Variants in CDK14 observed in about 807,000 individuals in gnomAD.
CDK14 encodes cyclin-dependent kinase 14.
Under a neutral mutation model 60.7 loss-of-function variants are expected in CDK14, and 34 were observed. The ratio of observed to expected loss-of-function variants is 0.56; its 90% CI spans 0.43 to 0.75. The LOEUF is 0.75. Among genes scored for constraint, CDK14 ranks in the 30% least tolerant of loss-of-function variants. The probability of loss-of-function intolerance (pLI) is 0.00; values close to 1 mark genes in which losing one functional copy is unlikely to be tolerated. For synonymous variants in CDK14, 197 were observed against 203.7 expected, an observed-to-expected ratio of 0.97 and a Z score of 0.28; for missense variants, 482 against 564.1, an observed-to-expected ratio of 0.85 and a Z score of 1.47.
intron 14 of CDK14, 46 bp downstream of exon 14, chr7:91,118,254 G>C: frequency 1.1e-6 from 1 of 870,614 alleles, no homozygotes. Context: ...AATGGATATT[G>C]AACGGATTCT....
At chr7:90,927,588 T>TATATAA (rs57424517) in intron 8 of CDK14, among the ~76,000 whole-genome samples, 6 of 152,168 alleles carry the variant, frequency 3.9e-5, no homozygotes, top group African/African-American at 1.4e-4. Context: ...CTAAAGTACA[T>TATATAA]ATATAAATAT....
At chr7:91,025,095 TAAG>T (rs1211074044) in intron 10 of CDK14, among the ~76,000 whole-genome samples, 1 of 152,198 alleles carries the variant, frequency 6.6e-6, no homozygotes, top group Non-Finnish European at 1.5e-5. Flanking sequence ...GAGGCCTTGT[TAAG>T]AAGTGGGAGG....
At position 91,210,502 on chromosome 7, in the gene CDK14, C is replaced by T. The variant is rs1662556731; in HGVS notation, c.*3366C>T. On this transcript the variant is annotated 3_prime_UTR_variant, in exon 15 of 15. Coordinates refer to ENST00000380050, the MANE Select transcript of CDK14 (RefSeq NM_001287135.2). ...ATATTTGTTACCAGTTGTAATTTGTCTGTATTATGAAAGATGTAATGGTTT... is the reference window on the plus strand; with the variant it reads ...ATATTTGTTACCAGTTGTAATTTGTTTGTATTATGAAAGATGTAATGGTTT... The T allele has an allele frequency of 6.6e-6, 1 of 152,090 alleles. No individual in the cohort carries two copies. The highest frequency in any genetic ancestry group is 1.5e-5 in the Non-Finnish European group (1 of 68,014). The allele number at this position is 152,090 out of a possible 1,614,324, so 9.4% of individuals were successfully genotyped here. A position where few individuals can be genotyped will look rare whatever the true frequency, so the allele number is the denominator to read the frequency against.
chr7:90,996,340 T>C (rs1283705507), intron 10 of CDK14, among the ~76,000 whole-genome samples: 8 of 152,224 alleles, frequency 5.3e-5, no homozygotes, highest in Non-Finnish European at 2.9e-5. Flanking sequence ...GTTAATCTTT[T>C]AGTGAGGCAT....
At chr7:90,652,921 ATG>A (rs1438099251) in intron 2 of CDK14, among the ~76,000 whole-genome samples, 6 of 152,084 alleles carry the variant, frequency 3.9e-5, no homozygotes, top group Non-Finnish European at 7.4e-5. Context: ...GCTTGTTTGC[ATG>A]TGTGTTTTCA....
chr7:90,902,586 C>T lies in CDK14; in HGVS notation c.702+3233C>T, dbSNP rs967317936. ...GAATGAAACAAGACTTATTTTTCAC[C>T]GTATATAAAAATCAACTTCAGATGG... is the stretch of plus-strand genomic sequence containing the variant. On this transcript the variant is annotated intron_variant, in intron 7 of 14. Coordinates refer to ENST00000380050, the MANE Select transcript of CDK14 (RefSeq NM_001287135.2). Among the ~76,000 whole-genome samples, 15 of 152,060 alleles carry T rather than the reference C, an allele frequency of 9.9e-5. 1 individual carries two copies. Among genetic ancestry groups the T allele is most frequent in the Non-Finnish European group, 1.5e-4 (10 of 67,952 alleles).
chr7:90,650,796 T>TG (rs1474605858), intron 2 of CDK14, among the ~76,000 whole-genome samples: 1 of 152,176 alleles, frequency 6.6e-6, no homozygotes, highest in Non-Finnish European at 1.5e-5. Context: ...CTGAGGCCTC[T>TG]GTTGTGTTCC....
chr7:90,940,868 T>C (rs1003829091), intron 8 of CDK14, among the ~76,000 whole-genome samples: 2 of 152,164 alleles, frequency 1.3e-5, no homozygotes, highest in African/African-American at 4.8e-5. Context: ...TCTATGTATA[T>C]ATATGATAAA....
chr7:90,786,015 C>T (rs1805568195), intron 4 of CDK14, among the ~76,000 whole-genome samples: 1 of 152,132 alleles, frequency 6.6e-6, no homozygotes, highest in Non-Finnish European at 1.5e-5. Flanking sequence ...AGATATTCTC[C>T]CCACTCCTGC....
At chr7:90,680,673 T>C (rs10276479) in intron 2 of CDK14, among the ~76,000 whole-genome samples, 2 of 152,098 alleles carry the variant, frequency 1.3e-5, no homozygotes, top group Non-Finnish European at 2.9e-5. Context: ...ATATCAGATA[T>C]GCATAATATG....
In CDK14 at chr7:90,644,189, CT is replaced by C. The variant is rs142426591; in HGVS notation, c.123+39942del. 2.5e-3 allele frequency among the ~76,000 whole-genome samples: 385 copies of C among 152,338 alleles called. 2 individuals are homozygous for C. The highest frequency in any genetic ancestry group is 8.3e-3 in the African/African-American group (344 of 41,578). On this transcript the variant is annotated intron_variant, in intron 2 of 14. Coordinates refer to ENST00000380050, the MANE Select transcript of CDK14 (RefSeq NM_001287135.2). Reference sequence around the variant, plus strand: ...GAACCAAACCCTGCTGGACCTTGATCTTGGACTTTCCAGTCCCCAAAACTAA... The same window carrying C: ...GAACCAAACCCTGCTGGACCTTGATCTGGACTTTCCAGTCCCCAAAACTAA...
At chr7:90,670,390 A>G (rs1801071226) in intron 2 of CDK14, among the ~76,000 whole-genome samples, 1 of 152,134 alleles carries the variant, frequency 6.6e-6, no homozygotes, top group Non-Finnish European at 1.5e-5. Flanking sequence ...TGATTTCTTT[A>G]TCCTTAGTGG....
chr7:90,957,234 G>A (rs1323765473), intron 9 of CDK14, among the ~76,000 whole-genome samples: 2 of 152,012 alleles, frequency 1.3e-5, no homozygotes, highest in Non-Finnish European at 2.9e-5. Flanking sequence ...CCCACCAACA[G>A]TGTAAAAGTG....
At chr7:90,940,408 T>A (rs1421157520) in intron 8 of CDK14, among the ~76,000 whole-genome samples, 1 of 152,234 alleles carries the variant, frequency 6.6e-6, no homozygotes, top group Non-Finnish European at 1.5e-5. Context: ...TCCAGTTCTT[T>A]CCTGGAGTTT....
At chr7:90,868,597 T>C (rs1387690061) in intron 6 of CDK14, among the ~76,000 whole-genome samples, 1 of 152,098 alleles carries the variant, frequency 6.6e-6, no homozygotes, top group Non-Finnish European at 1.5e-5. Context: ...TGTATAACAT[T>C]ATATAAAACA....
Position 90,729,152 on chromosome 7 carries a change from C to G in CDK14, c.369+2340C>G, listed in dbSNP as rs551990770. Among the ~76,000 whole-genome samples, 309 of 151,454 alleles carry G rather than the reference C, an allele frequency of 2.0e-3. 13 individuals are homozygous for G. The highest frequency in any genetic ancestry group is 1.2e-3 in the Non-Finnish European group (81 of 67,864). ...TTCAGAGAATAAATCTCTGGCGGGA[C>G]TAGGAAGGGATAGGGGGCTGGCCGA... is the stretch of plus-strand genomic sequence containing the variant. On this transcript the variant is annotated intron_variant, in intron 3 of 14. Coordinates refer to ENST00000380050, the MANE Select transcript of CDK14 (RefSeq NM_001287135.2).
intron 14 of CDK14, among the ~76,000 whole-genome samples, chr7:91,158,808 A>G (rs909044407): frequency 5.3e-5 from 8 of 152,218 alleles, no homozygotes; most frequent in African/African-American, 1.9e-4. Context: ...CAGTCAGGTC[A>G]CAGGTGACAT....
chr7:90,762,505 TAC>T (rs1008529030), intron 4 of CDK14, among the ~76,000 whole-genome samples: 2 of 152,120 alleles, frequency 1.3e-5, no homozygotes, highest in Non-Finnish European at 1.5e-5. Context: ...CAGATATTAA[TAC>T]AGACATATCA....
At chr7:90,647,073 C>T (rs1800485857) in intron 2 of CDK14, among the ~76,000 whole-genome samples, 1 of 152,182 alleles carries the variant, frequency 6.6e-6, no homozygotes, top group African/African-American at 2.4e-5. Flanking sequence ...ATTTACATTA[C>T]TTTAATTATT....
Sources: allele counts gnomAD v4.1 joint callset (sites outside exome capture counted in the v4.1 genomes callset), GRCh38; gene constraint gnomAD v4.1.1; transcripts MANE v1.5; gene names NCBI Gene and HGNC (gene_info 2026-07-23, HGNC 2026-07-21).